NRTN: variants seen among roughly 807,000 people sequenced by gnomAD.
NRTN encodes prepro-neurturin.
NRTN carries 3 observed loss-of-function variants against 7.5 expected under a neutral mutation model. That is an observed-to-expected ratio of 0.40 (90% CI 0.18 to 1.03). NRTN has a LOEUF of 1.03. Ranked by LOEUF, NRTN falls within the 50% of genes least tolerant of loss-of-function variation. The pLI, the probability that NRTN is intolerant of heterozygous loss-of-function variation, is 0.34. For missense variants in NRTN, 310 were observed against 307.0 expected, an observed-to-expected ratio of 1.01 and a Z score of -0.07; for synonymous variants, 157 against 146.6, an observed-to-expected ratio of 1.07 and a Z score of -0.51.
chr19:5,815,307 GTGAAAACACCC>G (rs1253125793), intron 1 of NRTN, among the ~76,000 whole-genome samples: 1 of 152,088 alleles, frequency 6.6e-6, no homozygotes, highest in East Asian at 1.9e-4. Context: ...GAGTGTGAGT[GTGAAAACACCC>G]TGGTTTTTCA....
At position 5,806,336 on chromosome 19, in the gene NRTN, G is replaced by A. The variant is rs1352589643; in HGVS notation, c.-399+885G>A. ...AGGCCTGTGATTACCTGCAGGGCTC[G>A]TCATTGGTCCAGATTTGGGGAGTGG... On this transcript the variant is annotated intron_variant, in intron 1 of 2. Coordinates refer to ENST00000303212, the MANE Select transcript of NRTN (RefSeq NM_004558.5). The surrounding 1 kb of genome is among the most constrained non-coding windows in gnomAD (Gnocchi z 5.4). Among the ~76,000 whole-genome samples the A allele has an allele frequency of 1.3e-5, 2 of 152,128 alleles. No homozygotes were observed. Among genetic ancestry groups the A allele is most frequent in the Non-Finnish European group, 2.9e-5 (2 of 68,020 alleles).
chr19:5,812,975 A>C (rs143420673), intron 1 of NRTN, among the ~76,000 whole-genome samples: 1 of 152,196 alleles, frequency 6.6e-6, no homozygotes. Flanking sequence ...ACGGCCTGGC[A>C]TCCTCTACCC....
At chr19:5,822,035 G>T (rs1421441096) in intron 1 of NRTN, among the ~76,000 whole-genome samples, 3 of 152,130 alleles carry the variant, frequency 2.0e-5, no homozygotes, top group Admixed American at 2.0e-4. Flanking sequence ...TCTCTTGTGG[G>T]CTCAGCACCA....
chr19:5,827,833 G>C lies in NRTN; in HGVS notation c.254G>C (p.Arg85Pro). Reference sequence around the variant, plus strand: ...GCTGGGCGGCCCCCAGGTCCGCGCCGTCGGGCGGGGCCCCGGCGGCGGCGC... The same window carrying C: ...GCTGGGCGGCCCCCAGGTCCGCGCCCTCGGGCGGGGCCCCGGCGGCGGCGC... ...PWAGRPPGPRRRAGPRRRRAR... is the reference protein window; with the variant it reads ...PWAGRPPGPRPRAGPRRRRAR... The change falls in exon 3 of 3, where the codon CGT becomes CCT. Residue 85 changes from arginine (R) to proline (P), a missense_variant. Arg to Pro is a moderately radical substitution (Grantham distance 103, BLOSUM62 -2). Coordinates refer to ENST00000303212, the MANE Select transcript of NRTN (RefSeq NM_004558.5). 1 of 1,164,222 alleles carries C rather than the reference G, an allele frequency of 8.6e-7. No homozygotes were observed. 72.1% of individuals were successfully genotyped at this position (1,164,222 alleles called of 1,614,324 possible). A position where few individuals can be genotyped will look rare whatever the true frequency, so the allele number is the denominator to read the frequency against.
intron 1 of NRTN, among the ~76,000 whole-genome samples, chr19:5,813,182 C>T (rs2056995353): frequency 6.6e-6 from 1 of 151,360 alleles, no homozygotes; most frequent in African/African-American, 2.4e-5. Flanking sequence ...CGAGACCAGC[C>T]TGGGTAACAT....
rs868252067 is a variant in NRTN, at chr19:5,805,315, G to A, written c.-535G>A. ...CATGGGCCGGCCCGCGCCGCACCCCGCCCGCGGCCGCCCCCTCCGGCCCGG... is the reference window on the plus strand; with the variant it reads ...CATGGGCCGGCCCGCGCCGCACCCCACCCGCGGCCGCCCCCTCCGGCCCGG... On this transcript the variant is annotated 5_prime_UTR_variant, in exon 1 of 3. Transcript: ENST00000303212. 2.3e-3 allele frequency among the ~76,000 whole-genome samples: 338 copies of A among 145,752 alleles called. No homozygotes were observed. Among genetic ancestry groups the A allele is most frequent in the African/African-American group, 7.4e-3 (303 of 40,730 alleles).
rs184245011 is a variant in NRTN, at chr19:5,826,804, G to C, written c.170-945G>C. 8.3e-4 allele frequency among the ~76,000 whole-genome samples: 127 copies of C among 152,336 alleles called. No homozygotes were observed. In the Middle Eastern group the frequency reaches 0.027, roughly 33 times the overall value. On this transcript the variant is annotated intron_variant, in intron 2 of 2. Coordinates refer to ENST00000303212, the MANE Select transcript of NRTN (RefSeq NM_004558.5). ...ATAAATTTAGGCTGCCAGGCCCTGGGAATCGGTGACTTGGGCACCTCCTGG... is the reference window on the plus strand; with the variant it reads ...ATAAATTTAGGCTGCCAGGCCCTGGCAATCGGTGACTTGGGCACCTCCTGG...
intron 1 of NRTN, among the ~76,000 whole-genome samples, chr19:5,810,705 G>A (rs556185303): frequency 8.0e-5 from 12 of 150,878 alleles, no homozygotes; most frequent in Non-Finnish European, 1.6e-4. Context: ...AGGCCGAGGC[G>A]GGCGGATCAC....
intron 1 of NRTN, among the ~76,000 whole-genome samples, chr19:5,817,945 G>A (rs1016587494): frequency 1.3e-5 from 2 of 151,888 alleles, no homozygotes; most frequent in Non-Finnish European, 2.9e-5. Context: ...GATTACAGGC[G>A]CACACTGCCA....
intron 1 of NRTN, among the ~76,000 whole-genome samples, chr19:5,808,080 C>T (rs1356689383): frequency 6.6e-6 from 1 of 152,186 alleles, no homozygotes; most frequent in African/African-American, 2.4e-5. Context: ...GAGACCCCGT[C>T]TCAAAAGAAG....
At position 5,824,224 on chromosome 19, in the gene NRTN, T is replaced by G. The variant is rs752063065; in HGVS notation, c.59T>G (p.Ile20Ser). Residue 20 changes from isoleucine to serine, a missense_variant, in exon 2 of 3, where the codon ATC (isoleucine) becomes AGC (serine). Ile to Ser is a moderately radical substitution (Grantham distance 142). Coordinates refer to ENST00000303212, the MANE Select transcript of NRTN (RefSeq NM_004558.5). Reference protein sequence around the residue: ...ASVLCSSVLSIWMCREGLLLS... With the variant: ...ASVLCSSVLSSWMCREGLLLS... ...GTGCTCTGCAGCTCCGTGCTGTCCATCTGGATGTGTCGAGAGGGCCTGCTT... is the reference window on the plus strand; with the variant it reads ...GTGCTCTGCAGCTCCGTGCTGTCCAGCTGGATGTGTCGAGAGGGCCTGCTT... 6.2e-7 allele frequency: 1 copy of G among 1,612,358 alleles called. No homozygotes were observed. The highest frequency in any genetic ancestry group is 8.5e-7 in the Non-Finnish European group (1 of 1,179,924).
chr19:5,815,581 G>A (rs1018906560), intron 1 of NRTN, among the ~76,000 whole-genome samples: 6 of 151,674 alleles, frequency 4.0e-5, no homozygotes, highest in African/African-American at 9.7e-5. Flanking sequence ...GATTACAGGC[G>A]TGCACTACCA....
At position 5,826,972 on chromosome 19, in the gene NRTN, T is replaced by C. The variant is rs373366763; in HGVS notation, c.170-777T>C. Among the ~76,000 whole-genome samples the C allele has an allele frequency of 2.6e-5, 4 of 152,156 alleles. No individual in the cohort carries two copies. In the East Asian group the frequency reaches 5.8e-4, roughly 22 times the overall value. ...CCTTGGGATGGTCCGTTTTGTCACC[T>C]GTCACATGGGGGTGGCCTTGACAGT... On this transcript the variant is annotated intron_variant, in intron 2 of 2. Coordinates refer to ENST00000303212, the MANE Select transcript of NRTN (RefSeq NM_004558.5).
rs1313785820 is a variant in NRTN at position 5,824,048 on chromosome 19, G to A, written c.-118G>A. ...ATTCCCATGTGATTATCGACCATTCGGCAGGCGTTCAAAGTCAAAGGCCCC... is the reference window on the plus strand; with the variant it reads ...ATTCCCATGTGATTATCGACCATTCAGCAGGCGTTCAAAGTCAAAGGCCCC... On this transcript the variant is annotated 5_prime_UTR_variant, in exon 2 of 3. Coordinates refer to ENST00000303212, the MANE Select transcript of NRTN (RefSeq NM_004558.5). 3.0e-5 allele frequency: 39 copies of A among 1,289,754 alleles called. No individual in the cohort carries two copies. The highest frequency in any genetic ancestry group is 4.7e-5 in the East Asian group (2 of 42,650). The allele number at this position is 1,289,754 out of a possible 1,614,324, so 79.9% of individuals were successfully genotyped here.
intron 2 of NRTN, among the ~76,000 whole-genome samples, chr19:5,826,351 C>T (rs1348491344): frequency 1.3e-5 from 2 of 152,100 alleles, no homozygotes; most frequent in Admixed American, 6.6e-5. Context: ...CCCCCCGCAC[C>T]GATTTCCCAC....
intron 1 of NRTN, among the ~76,000 whole-genome samples, chr19:5,815,427 ATTTT>A (rs754233565): frequency 7.5e-5 from 9 of 120,088 alleles, no homozygotes; most frequent in Admixed American, 1.8e-4. Flanking sequence ...TGTGAGTGTG[ATTTT>A]TTTTTTTTTT....
At chr19:5,807,149 G>C (rs2056977216) in intron 1 of NRTN, among the ~76,000 whole-genome samples, 1 of 152,132 alleles carries the variant, frequency 6.6e-6, no homozygotes, top group African/African-American at 2.4e-5. Context: ...CATTCCAGGT[G>C]GCTGTGCATG....
In NRTN at chr19:5,828,176, C is replaced by T. The variant is rs1460573469; in HGVS notation, c.*3C>T. On this transcript the variant is annotated 3_prime_UTR_variant, in exon 3 of 3. Coordinates refer to ENST00000303212, the MANE Select transcript of NRTN (RefSeq NM_004558.5). ...CGCGCGAGTGCGCCTGCGTGTGACC[C>T]TACCTCACTCGGCCGGCGCGGCGGC... The T allele has an allele frequency of 6.5e-7, 1 of 1,530,500 alleles. No individual in the cohort carries two copies. Among genetic ancestry groups the T allele is most frequent in the South Asian group, 1.2e-5 (1 of 83,728 alleles). 94.8% of individuals were successfully genotyped at this position (1,530,500 alleles called of 1,614,324 possible). A position where few individuals can be genotyped will look rare whatever the true frequency, so the allele number is the denominator to read the frequency against.
Position 5,812,909 on chromosome 19 carries a change from T to C in NRTN, c.-399+7458T>C, listed in dbSNP as rs141527593. ...ACAGAGGCACAGGCGCGCGAACACA[T>C]GTATGCCGCGGCGTTCACACACACA... On this transcript the variant is annotated intron_variant, in intron 1 of 2. Transcript: ENST00000303212. 1.2e-4 allele frequency among the ~76,000 whole-genome samples: 18 copies of C among 152,248 alleles called. No homozygotes were observed. The East Asian group carries it at 2.3e-3, about 20-fold the overall frequency.
Sources: allele counts gnomAD v4.1 joint callset (sites outside exome capture counted in the v4.1 genomes callset), GRCh38; gene constraint gnomAD v4.1.1; non-coding constraint Gnocchi (gnomAD v3.1); transcripts MANE v1.5; gene names NCBI Gene and HGNC (gene_info 2026-07-23, HGNC 2026-07-21).